The following LRRC4C variants were observed in gnomAD, a reference collection of about 807,000 sequenced individuals.
LRRC4C encodes the protein leucine-rich repeat-containing protein 4C.
A neutral mutation model predicts 33.6 loss-of-function variants in LRRC4C; 5 were observed. The observed-to-expected ratio is 0.15, with a 90% CI of 0.08 to 0.31. The LOEUF is 0.31. Among genes scored for constraint, LRRC4C ranks in the 10% least tolerant of loss-of-function variants. LRRC4C has a pLI of 1.00. For missense variants in LRRC4C, 560 were observed against 796.7 expected (o/e 0.70, Z 3.58); for synonymous variants, 329 against 302.0 (o/e 1.09, Z -0.93).
At chr11:41,031,967 C>T (rs1856755649) in intron 1 of LRRC4C, among the ~76,000 whole-genome samples, 1 of 151,978 alleles carries the variant, frequency 6.6e-6, no homozygotes, top group South Asian at 2.1e-4. Flanking sequence ...AGACAAAAAC[C>T]TATGTCTTCA....
chr11:40,225,510 G>A (rs1459063234), intron 5 of LRRC4C, among the ~76,000 whole-genome samples: 2 of 152,232 alleles, frequency 1.3e-5, no homozygotes, highest in East Asian at 1.9e-4. Flanking sequence ...CTAACTAGTG[G>A]AAGATACAGA....
intron 4 of LRRC4C, among the ~76,000 whole-genome samples, chr11:40,298,905 T>C (rs772787753): frequency 2.0e-5 from 3 of 151,784 alleles, no homozygotes; most frequent in Non-Finnish European, 4.4e-5. Context: ...TGGGGGGAAA[T>C]GCTCCCATGA....
At chr11:40,828,029 G>T (rs1161221222) in intron 2 of LRRC4C, among the ~76,000 whole-genome samples, 1 of 151,512 alleles carries the variant, frequency 6.6e-6, no homozygotes, top group Non-Finnish European at 1.5e-5. Flanking sequence ...AATATAGCAG[G>T]TTTATATAAT....
At chr11:40,476,342 C>CTTTCTTTTTT (rs1555074955) in intron 3 of LRRC4C, among the ~76,000 whole-genome samples, 29 of 81,364 alleles carry the variant, frequency 3.6e-4, no homozygotes, top group East Asian at 7.6e-4. Context: ...TTTTTTTCTT[C>CTTTCTTTTTT]TTTTTTTTTT....
intron 1 of LRRC4C, among the ~76,000 whole-genome samples, chr11:41,278,670 G>A (rs1217724783): frequency 1.3e-5 from 2 of 152,186 alleles, no homozygotes; most frequent in Admixed American, 1.3e-4. Flanking sequence ...TTAAATTCCT[G>A]GGTGATGCTG....
At chr11:41,458,038 T>C (rs1338616152) in intron 1 of LRRC4C, among the ~76,000 whole-genome samples, 1 of 152,194 alleles carries the variant, frequency 6.6e-6, no homozygotes, top group Non-Finnish European at 1.5e-5. Context: ...TTGAGTATGA[T>C]GCCTGACATC....
intron 1 of LRRC4C, among the ~76,000 whole-genome samples, chr11:41,225,956 GCAATT>G (rs1303260419): frequency 6.6e-6 from 1 of 152,086 alleles, no homozygotes; most frequent in Non-Finnish European, 1.5e-5. Context: ...CATTTAAAAT[GCAATT>G]CTCTTTGAAT....
At chr11:40,696,961 A>T (rs187856176) in intron 2 of LRRC4C, among the ~76,000 whole-genome samples, 5 of 151,914 alleles carry the variant, frequency 3.3e-5, no homozygotes, top group Admixed American at 6.6e-5. Flanking sequence ...AGACACGATG[A>T]TTCATTAACT....
chr11:40,197,972 T>C (rs1271949213), intron 5 of LRRC4C, among the ~76,000 whole-genome samples: 1 of 152,148 alleles, frequency 6.6e-6, no homozygotes, highest in Non-Finnish European at 1.5e-5. Context: ...ATTGATCTTA[T>C]AAAACTTACA....
chr11:40,937,936 T>A (rs2136548070), intron 1 of LRRC4C, among the ~76,000 whole-genome samples: 1 of 152,184 alleles, frequency 6.6e-6, no homozygotes, highest in Middle Eastern at 3.4e-3. Flanking sequence ...GAATTACAAG[T>A]GTGAGCTCCT....
chr11:40,568,422 G>C (rs1957849975), intron 3 of LRRC4C, among the ~76,000 whole-genome samples: 2 of 152,224 alleles, frequency 1.3e-5, no homozygotes, highest in Non-Finnish European at 2.9e-5. Flanking sequence ...GGAAGAGCCA[G>C]CTTAGCCATG....
At chr11:40,453,612 T>C (rs1951996640) in intron 3 of LRRC4C, among the ~76,000 whole-genome samples, 1 of 103,120 alleles carries the variant, frequency 9.7e-6, no homozygotes, top group African/African-American at 3.1e-5. Flanking sequence ...AAAAAGGCAT[T>C]CTAAGAAAAA....
At chr11:40,137,167 T>G in intron 6 of LRRC4C, among the ~76,000 whole-genome samples, 1 of 94,262 alleles carries the variant, frequency 1.1e-5, no homozygotes, top group East Asian at 4.2e-4. Flanking sequence ...TGGGCACGTG[T>G]GTGTGTGTGT....
intron 1 of LRRC4C, among the ~76,000 whole-genome samples, chr11:41,198,568 C>A (rs1946276800): frequency 6.6e-6 from 1 of 151,838 alleles, no homozygotes; most frequent in Admixed American, 6.6e-5. Context: ...AACATGCACC[C>A]AGGTCCTCTG....
chr11:41,075,022 T>TA (rs1565359425), intron 1 of LRRC4C, among the ~76,000 whole-genome samples: 997 of 25,732 alleles, frequency 0.039, 13 homozygotes, highest in African/African-American at 0.12. Flanking sequence ...TTCTTTTTTT[T>TA]TTTTTTTTTT....
intron 3 of LRRC4C, among the ~76,000 whole-genome samples, chr11:40,379,807 G>A (rs1948794286): frequency 6.6e-6 from 1 of 152,104 alleles, no homozygotes; most frequent in Non-Finnish European, 1.5e-5. Flanking sequence ...CATGCGTTGT[G>A]CTCAAATTGT....
intron 2 of LRRC4C, among the ~76,000 whole-genome samples, chr11:40,734,297 G>T (rs1947747180): frequency 6.6e-6 from 1 of 152,142 alleles, no homozygotes; most frequent in Admixed American, 6.5e-5. Flanking sequence ...TGACAATATT[G>T]TATAGAATGC....
At chr11:40,994,454 T>C (rs1482703870) in intron 1 of LRRC4C, among the ~76,000 whole-genome samples, 1 of 152,118 alleles carries the variant, frequency 6.6e-6, no homozygotes, top group Non-Finnish European at 1.5e-5. Flanking sequence ...ATGTGTTCAT[T>C]TGCAATTAAC....
chr11:40,564,954 A>C (rs1957695394), intron 3 of LRRC4C, among the ~76,000 whole-genome samples: 1 of 152,166 alleles, frequency 6.6e-6, no homozygotes, highest in African/African-American at 2.4e-5. Context: ...CAGTGGACAC[A>C]TGCAGCCTGA....
Sources: allele counts gnomAD v4.1 joint callset (sites outside exome capture counted in the v4.1 genomes callset), GRCh38; gene constraint gnomAD v4.1.1; transcripts MANE v1.5; gene names NCBI Gene and HGNC (gene_info 2026-07-23, HGNC 2026-07-21).